DYRK1A: variants seen among roughly 807,000 people sequenced by gnomAD.
DYRK1A encodes the protein dual specificity tyrosine phosphorylation regulated kinase 1A.
Under a neutral mutation model 79.7 loss-of-function variants are expected in DYRK1A, and 9 were observed. The observed-to-expected ratio is 0.11, with a 90% CI of 0.07 to 0.20. The LOEUF is 0.20. Ranked by LOEUF, DYRK1A falls within the 10% of genes least tolerant of loss-of-function variation. The pLI is 1.00. For missense variants in DYRK1A, 622 were observed against 956.0 expected, an observed-to-expected ratio of 0.65 and a Z score of 4.61; for synonymous variants, 349 against 329.7, an observed-to-expected ratio of 1.06 and a Z score of -0.63.
chr21:37,519,738 T>TTTTTTTGTTTTTTTTTTG lies in DYRK1A; in HGVS notation c.*7213_*7214insGTTTTTTTTTTGTTTTTT, dbSNP rs1569413720. On this transcript the variant is annotated 3_prime_UTR_variant, in exon 12 of 12. Coordinates refer to ENST00000647188, the MANE Select transcript of DYRK1A (RefSeq NM_001347721.2). The stretch of plus-strand genomic sequence containing the variant: ...AGTTTTGAGGTTTGTTGTGGGAAGT[T>TTTTTTTGTTTTTTTTTTG]TTTTTTTTTTTTTTTTTTTTTGAGG... The TTTTTTTGTTTTTTTTTTG allele has an allele frequency of 7.7e-4, 5 of 6,528 alleles. No individual in the cohort carries two copies. The highest frequency in any genetic ancestry group is 2.6e-3 in the African/African-American group (5 of 1,892). 0.4% of individuals were successfully genotyped at this position (6,528 alleles called of 1,614,324 possible).
Position 37,515,121 on chromosome 21 carries a change from C to A in DYRK1A, c.*2590C>A, listed in dbSNP as rs1341637131. 2 of 152,556 alleles carry A rather than the reference C, an allele frequency of 1.3e-5. No homozygotes were observed. The highest frequency in any genetic ancestry group is 1.5e-5 in the Non-Finnish European group (1 of 68,024). 9.5% of individuals were successfully genotyped at this position (152,556 alleles called of 1,614,324 possible). On this transcript the variant is annotated 3_prime_UTR_variant, in exon 12 of 12. Transcript: ENST00000647188. ...AACGTTAAATGAAAAAAGAACCCCC[C>A]TTTGTATTATAGTCATGCGGTCTTA...
At chr21:37,371,602 C>T (rs1055117670) in intron 1 of DYRK1A, among the ~76,000 whole-genome samples, 3 of 152,044 alleles carry the variant, frequency 2.0e-5, no homozygotes, top group Non-Finnish European at 4.4e-5. Flanking sequence ...TTCTAGAAAG[C>T]GATATTTAAA....
chr21:37,479,280 A>C (rs1328948081), intron 4 of DYRK1A, among the ~76,000 whole-genome samples: 1 of 152,222 alleles, frequency 6.6e-6, no homozygotes, highest in Non-Finnish European at 1.5e-5. Context: ...TTTATATATT[A>C]TAAACATGTT....
chr21:37,386,576 T>G (rs1033867948), intron 1 of DYRK1A, among the ~76,000 whole-genome samples: 1 of 152,220 alleles, frequency 6.6e-6, no homozygotes, highest in Non-Finnish European at 1.5e-5. Flanking sequence ...TTTAGCTGCT[T>G]CTTCAATTTA....
chr21:37,460,373 G>T (rs1057037616), intron 2 of DYRK1A, among the ~76,000 whole-genome samples: 4 of 152,132 alleles, frequency 2.6e-5, no homozygotes, highest in Admixed American at 2.0e-4. Flanking sequence ...GGAGGCAGTA[G>T]CGAACAAAAG....
In DYRK1A at chr21:37,515,206, T is replaced by A. The variant is rs1232347051; in HGVS notation, c.*2675T>A. The A allele has an allele frequency of 1.3e-5, 2 of 152,612 alleles. No individual in the cohort carries two copies. The highest frequency in any genetic ancestry group is 3.8e-4 in the East Asian group (2 of 5,202). 9.5% of individuals were successfully genotyped at this position (152,612 alleles called of 1,614,324 possible). ...CTCTTTACTATGCTTTTTTAAAAATTAATTTAAGAAAAATGTAAACATAGT... is the reference window on the plus strand; with the variant it reads ...CTCTTTACTATGCTTTTTTAAAAATAAATTTAAGAAAAATGTAAACATAGT... On this transcript the variant is annotated 3_prime_UTR_variant, in exon 12 of 12. Coordinates refer to ENST00000647188, the MANE Select transcript of DYRK1A (RefSeq NM_001347721.2).
At chr21:37,497,110 GTTTA>G (rs762789326) in intron 9 of DYRK1A, among the ~76,000 whole-genome samples, 58 of 145,564 alleles carry the variant, frequency 4.0e-4, no homozygotes, top group Non-Finnish European at 6.7e-4. Context: ...ACATTTAAGA[GTTTA>G]TTTTTGTTTC....
chr21:37,369,522 A>C (rs755026006), intron 1 of DYRK1A, among the ~76,000 whole-genome samples: 29 of 152,258 alleles, frequency 1.9e-4, no homozygotes, highest in Non-Finnish European at 3.4e-4. Context: ...ACTTCAAACC[A>C]TGCCAGAAAG....
chr21:37,395,030 G>A (rs1172403035), intron 1 of DYRK1A, among the ~76,000 whole-genome samples: 2 of 152,094 alleles, frequency 1.3e-5, no homozygotes, highest in East Asian at 1.9e-4. Context: ...TTGCGTCCCC[G>A]CCCCCAGACA....
Position 37,506,209 on chromosome 21 carries a change from A to G in DYRK1A, c.1630A>G (p.Thr544Ala), listed in dbSNP as rs759183785. The change falls in exon 11 of 12, where the codon ACA becomes GCA. Residue 544 changes from threonine (T) to alanine (A), a missense_variant. Around this residue, in one of 5 missense-constraint regions of DYRK1A, gnomAD observed 292 missense variants for 316.7 expected, o/e 0.92. Transcript: ENST00000647188. ...TAAVQAMDCE[T>A]HSPQVRQQFP... is the part of the protein sequence containing the mutation. ...TGCCGTGCAGGCCATGGACTGCGAG[A>G]CACACAGTCCCCAGGTGAGCTCGCA... 6.3e-5 allele frequency: 101 copies of G among 1,613,982 alleles called. No homozygotes were observed. The highest frequency in any genetic ancestry group is 3.7e-4 in the South Asian group (34 of 91,070).
At chr21:37,392,762 T>C (rs1374402871) in intron 1 of DYRK1A, among the ~76,000 whole-genome samples, 2 of 152,172 alleles carry the variant, frequency 1.3e-5, no homozygotes, top group Non-Finnish European at 2.9e-5. Context: ...AAAACACAGG[T>C]TAGGTAGTTT....
chr21:37,473,620 T>C (rs1437905425), intron 3 of DYRK1A, among the ~76,000 whole-genome samples: 1 of 152,208 alleles, frequency 6.6e-6, no homozygotes, highest in Non-Finnish European at 1.5e-5. Context: ...CTTAGAAATT[T>C]GGTTTGCCAT....
chr21:37,448,040 T>C (rs1020091272), intron 2 of DYRK1A, among the ~76,000 whole-genome samples: 1 of 152,214 alleles, frequency 6.6e-6, no homozygotes, highest in African/African-American at 2.4e-5. Context: ...CCTCTGAGTA[T>C]TAACTTCTAC....
At chr21:37,470,654 T>G (rs186555999) in intron 2 of DYRK1A, among the ~76,000 whole-genome samples, 3 of 152,382 alleles carry the variant, frequency 2.0e-5, no homozygotes, top group Admixed American at 2.0e-4. Context: ...TTTATTTATA[T>G]TCCTTCCTAC....
In DYRK1A at chr21:37,517,624, G is replaced by A. The variant is rs530808417; in HGVS notation, c.*5093G>A. On this transcript the variant is annotated 3_prime_UTR_variant, in exon 12 of 12. Transcript: ENST00000647188. The stretch of plus-strand genomic sequence containing the variant: ...GGTGTGTGTGGTAGTTCTGCACTAG[G>A]GTGGCCAGGAAGCAGCCAAGCAGGT... 1.3e-5 allele frequency: 2 copies of A among 152,356 alleles called. No homozygotes were observed. The highest frequency in any genetic ancestry group is 2.1e-4 in the South Asian group (1 of 4,828). 9.4% of individuals were successfully genotyped at this position (152,356 alleles called of 1,614,324 possible).
chr21:37,517,950 G>A lies in DYRK1A; in HGVS notation c.*5419G>A, dbSNP rs1305351268. On this transcript the variant is annotated 3_prime_UTR_variant, in exon 12 of 12. Coordinates refer to ENST00000647188, the MANE Select transcript of DYRK1A (RefSeq NM_001347721.2). ...GCTTTGTCACGCAAGCTGGAGTTTG[G>A]TGGTGTGATTGCAGCTCACTGCAGC... 2 of 152,256 alleles carry A rather than the reference G, an allele frequency of 1.3e-5. No individual in the cohort carries two copies. The highest frequency in any genetic ancestry group is 2.1e-4 in the South Asian group (1 of 4,826). 9.4% of individuals were successfully genotyped at this position (152,256 alleles called of 1,614,324 possible). A position where few individuals can be genotyped will look rare whatever the true frequency, so the allele number is the denominator to read the frequency against.
intron 1 of DYRK1A, among the ~76,000 whole-genome samples, chr21:37,391,648 T>A (rs1855310749): frequency 6.6e-6 from 1 of 152,238 alleles, no homozygotes; most frequent in Admixed American, 6.5e-5. Flanking sequence ...TTCTACAGCC[T>A]ATAATCTTCC....
chr21:37,507,366 C>G (rs1212900442), intron 11 of DYRK1A, among the ~76,000 whole-genome samples: 1 of 151,988 alleles, frequency 6.6e-6, no homozygotes, highest in East Asian at 1.9e-4. Context: ...TCAGCATTTC[C>G]TCATCCTCAG....
chr21:37,420,357 G>A lies in DYRK1A; in HGVS notation c.-18G>A, dbSNP rs1338470527. 3 of 1,606,046 alleles carry A rather than the reference G, an allele frequency of 1.9e-6. No homozygotes were observed. The highest frequency in any genetic ancestry group is 2.6e-6 in the Non-Finnish European group (3 of 1,174,498). ...TTCCCCCACCCCATCAGGATGATAT[G>A]AGACTTGAAAGAAGACGATGCATAC... On this transcript the variant is annotated 5_prime_UTR_variant, in exon 2 of 12. The change abolishes an upstream ATG in the 5' untranslated region. Coordinates refer to ENST00000647188, the MANE Select transcript of DYRK1A (RefSeq NM_001347721.2).
Sources: gnomAD v4.1 joint callset for allele counts (sites outside exome capture counted in the v4.1 genomes callset) on GRCh38, gnomAD v4.1.1 for gene constraint, gnomAD v4.1.1 regional missense constraint, MANE v1.5 for transcripts, NCBI Gene and HGNC (gene_info 2026-07-23, HGNC 2026-07-21) for gene names.